The following SDK1 variants were observed in gnomAD, a reference collection of about 807,000 sequenced individuals.
SDK1 encodes the protein protein sidekick-1.
In SDK1, 157 loss-of-function variants were observed where a neutral mutation model predicts 245.5. The ratio of observed to expected loss-of-function variants is 0.64; its 90% CI spans 0.56 to 0.73. The LOEUF (loss-of-function observed/expected upper bound fraction) is 0.73. Ranked by LOEUF, SDK1 falls within the 30% of genes least tolerant of loss-of-function variation. The pLI, the probability that SDK1 is intolerant of heterozygous loss-of-function variation, is 0.00. For missense variants in SDK1, 3,583 were observed against 3,002.3 expected (o/e 1.19, Z -4.52); for synonymous variants, 1,647 against 1,278.5 (o/e 1.29, Z -6.15).
At chr7:3,651,130 GT>G (rs35272140) in intron 4 of SDK1, among the ~76,000 whole-genome samples, 122 of 142,124 alleles carry the variant, frequency 8.6e-4, no homozygotes, top group African/African-American at 1.8e-3. Context: ...TTTAGTTTTA[GT>G]TTTTTTTTTT....
At chr7:3,785,735 G>A (rs1230526400) in intron 4 of SDK1, among the ~76,000 whole-genome samples, 3 of 152,046 alleles carry the variant, frequency 2.0e-5, no homozygotes, top group Non-Finnish European at 4.4e-5. Flanking sequence ...ATGATTATAA[G>A]ACTTCTGAGC....
intron 1 of SDK1, among the ~76,000 whole-genome samples, chr7:3,537,675 C>T (rs750782267): frequency 6.6e-5 from 10 of 152,204 alleles, no homozygotes; most frequent in Non-Finnish European, 1.2e-4. Context: ...CTGCTGACTG[C>T]GCCCTGGATG....
chr7:3,844,619 G>A (rs778954034), intron 5 of SDK1, among the ~76,000 whole-genome samples: 12 of 152,306 alleles, frequency 7.9e-5, no homozygotes, highest in South Asian at 2.1e-4. Flanking sequence ...AGAAAAACCC[G>A]CTTCCCTAAC....
At chr7:3,852,180 T>TC (rs1299623022) in intron 5 of SDK1, among the ~76,000 whole-genome samples, 5 of 151,256 alleles carry the variant, frequency 3.3e-5, no homozygotes, top group Non-Finnish European at 3.0e-5. Flanking sequence ...GTCTAGGCTT[T>TC]TTTTTTTTTT....
At chr7:4,010,853 G>C in intron 14 of SDK1, 113 bp from the exon 15 acceptor site, 2 of 1,081,846 alleles carry the variant, frequency 1.8e-6, no homozygotes, top group Non-Finnish European at 2.7e-6. Context: ...CCTTCTCCTA[G>C]AGCTGTCCTG....
chr7:4,140,479 C>A (rs1779511239), intron 28 of SDK1, among the ~76,000 whole-genome samples: 1 of 152,208 alleles, frequency 6.6e-6, no homozygotes, highest in Admixed American at 6.5e-5. Context: ...GTGTCGGTCA[C>A]CTTCAGAATG....
rs142112636 is a variant in SDK1, at chr7:3,789,654, A to G, written c.714-31796A>G. 1.1e-4 allele frequency among the ~76,000 whole-genome samples: 16 copies of G among 152,340 alleles called. No individual in the cohort carries two copies. In the East Asian group the frequency reaches 3.1e-3, roughly 29 times the overall value. On this transcript the variant is annotated intron_variant, in intron 4 of 44. Transcript: ENST00000404826. ...TGATCAAACATGGAGCATTAACTCT[A>G]CACTTATATCATCTCTTCCTCCTGA...
At chr7:4,002,538 A>G (rs1277670310) in intron 14 of SDK1, among the ~76,000 whole-genome samples, 1 of 148,124 alleles carries the variant, frequency 6.8e-6, no homozygotes, top group Non-Finnish European at 1.5e-5. Flanking sequence ...GAATGGTTTA[A>G]AAAACAAGAA....
rs529593275 is a variant in SDK1, at chr7:3,421,462, A to G, written c.298+119578A>G. 4.6e-5 allele frequency among the ~76,000 whole-genome samples: 7 copies of G among 152,100 alleles called. No homozygotes were observed. In the South Asian group the frequency reaches 1.5e-3, roughly 32 times the overall value. On this transcript the variant is annotated intron_variant, in intron 1 of 44. Transcript: ENST00000404826. The stretch of plus-strand genomic sequence containing the variant: ...TTCATAATTACCAAAGCCTTTTAAA[A>G]CTGCATTTTTATAATTTTTGCTACT...
chr7:3,582,969 A>G (rs1780557533), intron 1 of SDK1, among the ~76,000 whole-genome samples: 1 of 152,206 alleles, frequency 6.6e-6, no homozygotes, highest in African/African-American at 2.4e-5. Context: ...ATGATCATGC[A>G]TCTAGAACTC....
chr7:4,129,470 A>T (rs1453286622), intron 26 of SDK1, among the ~76,000 whole-genome samples: 1 of 152,032 alleles, frequency 6.6e-6, no homozygotes, highest in Non-Finnish European at 1.5e-5. Flanking sequence ...AGGAGGCCAG[A>T]GCTCCCGGTC....
At position 3,668,987 on chromosome 7, in the gene SDK1, G is replaced by C. The variant is rs76365019; in HGVS notation, c.713+26882G>C. Reference sequence around the variant, plus strand: ...AGCATGTCTGGTAAGGAATGTTGCTGTGCCCCATTTGAAAAGGACAATTGG... The same window carrying C: ...AGCATGTCTGGTAAGGAATGTTGCTCTGCCCCATTTGAAAAGGACAATTGG... On this transcript the variant is annotated intron_variant, in intron 4 of 44. Coordinates refer to ENST00000404826, the MANE Select transcript of SDK1 (RefSeq NM_152744.4). Among the ~76,000 whole-genome samples, 243 of 152,240 alleles carry C rather than the reference G, an allele frequency of 1.6e-3. 1 individual carries two copies. Among genetic ancestry groups the C allele is most frequent in the African/African-American group, 5.7e-3 (238 of 41,532 alleles).
At chr7:3,769,936 C>CTGTG (rs34066132) in intron 4 of SDK1, among the ~76,000 whole-genome samples, 3,798 of 144,710 alleles carry the variant, frequency 0.026, 63 homozygotes, top group Admixed American at 0.033. Flanking sequence ...TACTTATTGT[C>CTGTG]TGTGTGTGTG....
intron 35 of SDK1, among the ~76,000 whole-genome samples, chr7:4,190,061 A>G (rs1783103792): frequency 6.6e-6 from 1 of 152,152 alleles, no homozygotes; most frequent in Non-Finnish European, 1.5e-5. Flanking sequence ...CCTAGTGCCT[A>G]TTAAGTGAAA....
chr7:4,220,019 C>A, intron 38 of SDK1, 90 bp from the exon 39 acceptor site: 1 of 1,458,280 alleles, frequency 6.9e-7, no homozygotes, highest in East Asian at 2.3e-5. Context: ...CTGCAGGGAC[C>A]ACTTTCCTTG....
At position 4,208,255 on chromosome 7, in the gene SDK1, G is replaced by T; in HGVS notation, c.5371G>T (p.Asp1791Tyr). The change falls in exon 37 of 45, where the codon GAC becomes TAC. Residue 1791 changes from aspartate to tyrosine, a missense_variant. Physicochemically the swap from Asp to Tyr is radical, Grantham distance 160. Transcript: ENST00000404826. ...FNAAGDGPKS[D>Y]PQQGRTHQAA... ...CGCCGCCGGAGATGGACCTAAGAGT[G>T]ACCCCCAGCAGGGGCGCACCCACCA... is the stretch of plus-strand genomic sequence containing the variant. The T allele has an allele frequency of 6.2e-7, 1 of 1,613,650 alleles. No homozygotes were observed. The highest frequency in any genetic ancestry group is 2.2e-5 in the East Asian group (1 of 44,858).
intron 1 of SDK1, among the ~76,000 whole-genome samples, chr7:3,324,170 A>AT (rs1474664654): frequency 6.6e-6 from 1 of 151,936 alleles, no homozygotes; most frequent in Non-Finnish European, 1.5e-5. Flanking sequence ...TTTCATGGTC[A>AT]TTTTTCTGGT....
At chr7:4,225,215 TTACCAC>T (rs1785358210) in intron 40 of SDK1, among the ~76,000 whole-genome samples, 1 of 151,998 alleles carries the variant, frequency 6.6e-6, no homozygotes, top group African/African-American at 2.4e-5. Context: ...TTGCAGGATG[TTACCAC>T]TGGGGGACAC....
At chr7:3,866,921 C>T (rs1478619459) in intron 5 of SDK1, among the ~76,000 whole-genome samples, 1 of 152,202 alleles carries the variant, frequency 6.6e-6, no homozygotes, top group Non-Finnish European at 1.5e-5. Context: ...CCTCCATCCA[C>T]AGCCCTCAGC....
Sources: gnomAD v4.1 joint callset for allele counts (sites outside exome capture counted in the v4.1 genomes callset) on GRCh38, gnomAD v4.1.1 for gene constraint, MANE v1.5 for transcripts, NCBI Gene and HGNC (gene_info 2026-07-23, HGNC 2026-07-21) for gene names.